SRGAP1: variants seen among roughly 807,000 people sequenced by gnomAD.
SRGAP1 encodes the protein SLIT-ROBO Rho GTPase-activating protein 1.
In SRGAP1, 43 loss-of-function variants were observed where a neutral mutation model predicts 121.9. The ratio of observed to expected loss-of-function variants is 0.35; its 90% confidence interval spans 0.28 to 0.46. The LOEUF (loss-of-function observed/expected upper bound fraction) is 0.46. SRGAP1 is among the 20% of genes least tolerant of loss of function. The pLI is 1.00. For missense variants in SRGAP1, 1,102 were observed against 1,350.9 expected, an observed-to-expected ratio of 0.82 and a Z score of 2.89; for synonymous variants, 447 against 485.4, an observed-to-expected ratio of 0.92 and a Z score of 1.04.
At chr12:64,047,788 T>C (rs1209941174) in intron 6 of SRGAP1, among the ~76,000 whole-genome samples, 2 of 152,120 alleles carry the variant, frequency 1.3e-5, no homozygotes, top group East Asian at 3.8e-4. Flanking sequence ...ATGTGTATTG[T>C]AAAAAACCAG....
At chr12:63,932,211 G>A (rs2031501823) in intron 1 of SRGAP1, among the ~76,000 whole-genome samples, 1 of 152,142 alleles carries the variant, frequency 6.6e-6, no homozygotes, top group Admixed American at 6.5e-5. Flanking sequence ...AACCCGGGAG[G>A]CAGAGGTTTC....
At chr12:63,883,165 AG>A (rs1259984038) in intron 1 of SRGAP1, among the ~76,000 whole-genome samples, 1 of 152,262 alleles carries the variant, frequency 6.6e-6, no homozygotes, top group African/African-American at 2.4e-5. Flanking sequence ...TTCATTTTCA[AG>A]AAGTTTTCAA....
At chr12:63,880,956 C>A (rs1264167858) in intron 1 of SRGAP1, among the ~76,000 whole-genome samples, 7 of 152,072 alleles carry the variant, frequency 4.6e-5, no homozygotes, top group Non-Finnish European at 7.3e-5. Flanking sequence ...TTGCTAGGGT[C>A]CCTCTCAAAA....
chr12:64,127,924 T>G lies in SRGAP1; in HGVS notation c.2604T>G (p.His868Gln). 1 of 1,614,194 alleles carries G rather than the reference T, an allele frequency of 6.2e-7. No individual in the cohort carries two copies. The highest frequency in any genetic ancestry group is 8.5e-7 in the Non-Finnish European group (1 of 1,180,020). Residue 868 changes from histidine to glutamine, a missense_variant, in exon 21 of 22, where the codon CAT becomes CAG. Around this residue, in one of 3 missense-constraint regions of SRGAP1, gnomAD observed 315 missense variants for 343.1 expected, o/e 0.92. Transcript: ENST00000355086. ...GTCCTGGCAGGACCAGTGATGGCCA[T>G]TGCCCGCTCCACCCTCCACATGCCC... ...VRRPGRTSDG[H>Q]CPLHPPHALS...
chr12:64,036,589 C>T (rs546286678), intron 4 of SRGAP1, among the ~76,000 whole-genome samples: 16 of 152,276 alleles, frequency 1.1e-4, no homozygotes, highest in South Asian at 2.1e-4. Context: ...TCTCCCTTCC[C>T]TGCCAAACCA....
chr12:63,954,217 G>T (rs953887306), intron 1 of SRGAP1, among the ~76,000 whole-genome samples: 1 of 152,136 alleles, frequency 6.6e-6, no homozygotes, highest in African/African-American at 2.4e-5. Context: ...AACTCTATTA[G>T]GAAGATGTCT....
At chr12:63,977,615 C>T (rs1028511434) in intron 1 of SRGAP1, among the ~76,000 whole-genome samples, 2 of 142,622 alleles carry the variant, frequency 1.4e-5, no homozygotes, top group African/African-American at 5.4e-5. Context: ...TGTTTCTAGG[C>T]AATTCCATTT....
chr12:63,881,964 T>G (rs1363966408), intron 1 of SRGAP1, among the ~76,000 whole-genome samples: 1 of 152,142 alleles, frequency 6.6e-6, no homozygotes, highest in Non-Finnish European at 1.5e-5. Flanking sequence ...ATTCAAGGAC[T>G]GCAGTATTGG....
At chr12:64,106,145 C>G (rs536245861) in intron 15 of SRGAP1, among the ~76,000 whole-genome samples, 13 of 152,220 alleles carry the variant, frequency 8.5e-5, no homozygotes, top group Non-Finnish European at 1.3e-4. Context: ...TTAGCCTCGA[C>G]CTTAACTTTA....
chr12:63,880,309 G>A (rs1460683458), intron 1 of SRGAP1, among the ~76,000 whole-genome samples: 2 of 152,072 alleles, frequency 1.3e-5, no homozygotes, highest in Non-Finnish European at 2.9e-5. Flanking sequence ...TCAGCTCACT[G>A]CAACCTCCGC....
Position 64,155,882 on chromosome 12 carries a change from G to C in SRGAP1, c.*13210G>C, listed in dbSNP as rs1220395354. 1.3e-5 allele frequency: 2 copies of C among 152,136 alleles called. No homozygotes were observed. The highest frequency in any genetic ancestry group is 2.9e-5 in the Non-Finnish European group (2 of 68,074). 9.4% of individuals were successfully genotyped at this position (152,136 alleles called of 1,614,324 possible). A position where few individuals can be genotyped will look rare whatever the true frequency, so the allele number is the denominator to read the frequency against. ...ACTCCTGACCTCAGGTGATCCACCC[G>C]CCTCGGTCTCCCAAACTGTTGGCAT... On this transcript the variant is annotated 3_prime_UTR_variant, in exon 22 of 22. Transcript: ENST00000355086.
chr12:64,097,517 C>T, intron 15 of SRGAP1, 142 bp downstream of exon 15: 1 of 929,716 alleles, frequency 1.1e-6, no homozygotes, highest in Non-Finnish European at 1.5e-6. Flanking sequence ...TGTTTTCTTT[C>T]TGGATCCAGT....
intron 1 of SRGAP1, among the ~76,000 whole-genome samples, chr12:63,893,016 C>T (rs1372751259): frequency 6.6e-6 from 1 of 152,136 alleles, no homozygotes; most frequent in East Asian, 1.9e-4. Flanking sequence ...AGAAGAAGAG[C>T]AACACAGTAA....
At chr12:64,071,258 T>C (rs1322357344) in intron 8 of SRGAP1, among the ~76,000 whole-genome samples, 1 of 152,080 alleles carries the variant, frequency 6.6e-6, no homozygotes, top group Non-Finnish European at 1.5e-5. Flanking sequence ...ATTTCTAGGA[T>C]GGGTATAAAA....
chr12:64,030,014 C>T (rs544839619), intron 4 of SRGAP1, among the ~76,000 whole-genome samples: 150 of 152,226 alleles, frequency 9.9e-4, no homozygotes, highest in African/African-American at 3.3e-3. Flanking sequence ...ACAATGAGTA[C>T]TTGAGAGAAA....
At chr12:63,913,973 T>G (rs1261844351) in intron 1 of SRGAP1, among the ~76,000 whole-genome samples, 2 of 152,168 alleles carry the variant, frequency 1.3e-5, no homozygotes, top group African/African-American at 4.8e-5. Context: ...GCACTATTTA[T>G]TATTTTTTCT....
At chr12:63,948,608 T>A (rs901766736) in intron 1 of SRGAP1, among the ~76,000 whole-genome samples, 13 of 151,962 alleles carry the variant, frequency 8.6e-5, no homozygotes, top group Non-Finnish European at 2.9e-5. Flanking sequence ...TCCCACAAGA[T>A]TGGAAGTGCC....
intron 7 of SRGAP1, among the ~76,000 whole-genome samples, chr12:64,063,551 A>C (rs956639954): frequency 6.6e-6 from 1 of 152,202 alleles, no homozygotes. Context: ...AAAAAGTACA[A>C]AACTTTTTTT....
At chr12:64,089,023 T>C (rs774767961) in intron 11 of SRGAP1, among the ~76,000 whole-genome samples, 1 of 152,232 alleles carries the variant, frequency 6.6e-6, no homozygotes, top group Non-Finnish European at 1.5e-5. Context: ...CTTTGGTATA[T>C]TGGGGACTTT....
Sources: allele counts gnomAD v4.1 joint callset (sites outside exome capture counted in the v4.1 genomes callset), GRCh38; gene constraint gnomAD v4.1.1; regional missense constraint gnomAD v4.1.1; transcripts MANE v1.5; gene names NCBI Gene and HGNC (gene_info 2026-07-23, HGNC 2026-07-21).